IQGAP1: variants seen among roughly 807,000 people sequenced by gnomAD.
IQGAP1 encodes the protein IQ motif containing GTPase activating protein 1, also known as ras GTPase-activating-like protein IQGAP1.
Under a neutral mutation model 215.6 loss-of-function variants are expected in IQGAP1, and 66 were observed. The ratio of observed to expected loss-of-function variants is 0.31; its 90% CI spans 0.25 to 0.38. IQGAP1 has a LOEUF of 0.38. IQGAP1 is among the 10% of genes least tolerant of loss of function. The pLI is 1.00. For synonymous variants in IQGAP1, 772 were observed against 728.7 expected (o/e 1.06, Z -0.96); for missense variants, 1,712 against 1,997.1 (o/e 0.86, Z 2.72).
At chr15:90,486,443 T>G (rs567061964) in intron 31 of IQGAP1, 6 of 230,358 alleles carry the variant, frequency 2.6e-5, no homozygotes, top group East Asian at 1.1e-4. Flanking sequence ...GAAAGAATTT[T>G]TTTGTTTGTT....
In IQGAP1 at chr15:90,473,848, G is replaced by A. The variant is rs181846801; in HGVS notation, c.2434-48G>A. ...TCCATGAGGGGCACAGGTATAACAC[G>A]TGTTGAGATGAAGGACTCTTCTAAT... On this transcript the variant is annotated intron_variant, in intron 20 of 37. Coordinates refer to ENST00000268182, the MANE Select transcript of IQGAP1 (RefSeq NM_003870.4). 6,598 of 1,609,800 alleles carry A rather than the reference G, an allele frequency of 4.1e-3. 16 individuals are homozygous for A. Among genetic ancestry groups the A allele is most frequent in the Non-Finnish European group, 4.9e-3 (5,741 of 1,176,548 alleles).
intron 24 of IQGAP1, 75 bp downstream of exon 24, chr15:90,476,893 C>G (rs1023710487): frequency 6.6e-7 from 1 of 1,504,710 alleles, no homozygotes; most frequent in East Asian, 2.3e-5. Flanking sequence ...TACCATCGAT[C>G]TCTCTGGAAG....
chr15:90,466,384 T>G lies in IQGAP1; in HGVS notation c.1983T>G (p.Gly661=). The change falls in exon 17 of 38, where the codon GGT becomes GGG. Residue 661 remains glycine, a synonymous_variant. Transcript: ENST00000268182. ...TGTATGGAGTCATCCCTGAGTGTGG[T>G]GAAACTTACCACAGTGATCTTGCTG... ...VGLYGVIPEC[G]ETYHSDLAEA... The G allele has an allele frequency of 6.2e-7, 1 of 1,614,162 alleles. No homozygotes were observed. The highest frequency in any genetic ancestry group is 8.5e-7 in the Non-Finnish European group (1 of 1,180,028).
At chr15:90,459,392 A>G (rs529208560) in intron 15 of IQGAP1, among the ~76,000 whole-genome samples, 1 of 152,250 alleles carries the variant, frequency 6.6e-6, no homozygotes, top group Non-Finnish European at 1.5e-5. Context: ...CTTTATCTTC[A>G]TAGTAGCATT....
At chr15:90,443,714 T>G (rs1965484824) in intron 9 of IQGAP1, among the ~76,000 whole-genome samples, 1 of 152,206 alleles carries the variant, frequency 6.6e-6, no homozygotes, top group African/African-American at 2.4e-5. Flanking sequence ...TCTGTTTGGC[T>G]ACAGTTTCAC....
intron 5 of IQGAP1, 110 bp from the exon 6 acceptor site, chr15:90,439,222 C>A: frequency 1.5e-6 from 1 of 647,900 alleles, no homozygotes; most frequent in Non-Finnish European, 2.7e-6. Context: ...TACTGGGAGT[C>A]TCAGTGTTCA....
rs753776144 is a variant in IQGAP1 at position 90,452,810 on chromosome 15, C to G, written c.1198C>G (p.Gln400Glu). The part of the protein sequence containing the change: ...AAVALINAAI[Q>E]KGVAEKTVLE... ...AGTAGCACTGATTAATGCTGCAATCCAGAAGGGTGTTGCTGAGAAGACTGT... is the reference window on the plus strand; with the variant it reads ...AGTAGCACTGATTAATGCTGCAATCGAGAAGGGTGTTGCTGAGAAGACTGT... The change falls in exon 12 of 38, where the codon CAG becomes GAG. Residue 400 changes from glutamine to glutamate, a missense_variant. Gln to Glu is a conservative substitution (Grantham distance 29). Transcript: ENST00000268182. 31 of 1,614,010 alleles carry G rather than the reference C, an allele frequency of 1.9e-5. No individual in the cohort carries two copies. Among genetic ancestry groups the G allele is most frequent in the Non-Finnish European group, 2.5e-5 (29 of 1,180,018 alleles).
chr15:90,498,668 G>C (rs1024443150), intron 37 of IQGAP1, among the ~76,000 whole-genome samples: 3 of 151,934 alleles, frequency 2.0e-5, no homozygotes, highest in South Asian at 2.1e-4. Context: ...TGGAGGGGGG[G>C]GCAGAGTCTC....
At chr15:90,449,786 G>C (rs887606773) in intron 11 of IQGAP1, 143 bp downstream of exon 11, 2 of 584,496 alleles carry the variant, frequency 3.4e-6, no homozygotes, top group East Asian at 6.2e-5. Context: ...TGGCAGGAGG[G>C]TTCCTCCAGT....
intron 13 of IQGAP1, 140 bp from the exon 14 acceptor site, chr15:90,454,288 A>C (rs1274555676): frequency 2.6e-5 from 21 of 794,940 alleles, no homozygotes; most frequent in Non-Finnish European, 3.8e-5. Context: ...GCATTTTTGC[A>C]CTTTGTTTAA....
At chr15:90,452,041 G>C (rs1965611005) in intron 11 of IQGAP1, among the ~76,000 whole-genome samples, 1 of 152,154 alleles carries the variant, frequency 6.6e-6, no homozygotes, top group Non-Finnish European at 1.5e-5. Context: ...TGTTGACCAG[G>C]ATGGTCTCGA....
chr15:90,425,571 A>G (rs1965210244), intron 2 of IQGAP1, among the ~76,000 whole-genome samples: 1 of 152,124 alleles, frequency 6.6e-6, no homozygotes, highest in Non-Finnish European at 1.5e-5. Flanking sequence ...CTGAGAATTC[A>G]TTATTTACTG....
At chr15:90,418,811 CTGT>C (rs905797689) in intron 2 of IQGAP1, among the ~76,000 whole-genome samples, 2 of 152,068 alleles carry the variant, frequency 1.3e-5, no homozygotes, top group Non-Finnish European at 1.5e-5. Context: ...TAGGTCGTAA[CTGT>C]TGTTATTGTT....
At chr15:90,402,373 A>G (rs535141258) in intron 2 of IQGAP1, among the ~76,000 whole-genome samples, 1 of 152,284 alleles carries the variant, frequency 6.6e-6, no homozygotes, top group Admixed American at 6.5e-5. Flanking sequence ...CAAGAACTGT[A>G]TTTTTGGGGT....
At chr15:90,394,423 T>C (rs917765924) in intron 2 of IQGAP1, among the ~76,000 whole-genome samples, 1 of 152,180 alleles carries the variant, frequency 6.6e-6, no homozygotes, top group African/African-American at 2.4e-5. Context: ...GGGAATGTTA[T>C]GGTGAGAAAA....
intron 5 of IQGAP1, among the ~76,000 whole-genome samples, chr15:90,436,230 G>A (rs957018337): frequency 1.3e-5 from 2 of 152,064 alleles, no homozygotes; most frequent in African/African-American, 4.8e-5. Flanking sequence ...AAGCTCATTT[G>A]TCTCCTTAGT....
rs775992471 is a variant in IQGAP1, at chr15:90,491,428, C to T, written c.4344C>T (p.Ser1448=). The change falls in exon 34 of 38, where the codon AGC becomes AGT. Residue 1448 remains serine, a synonymous_variant. Coordinates refer to ENST00000268182, the MANE Select transcript of IQGAP1 (RefSeq NM_003870.4). ...AGTCAAAATCTGTAAAGGAAGACAG[C>T]AACCTCACTCTTCAAGAGAAGAAAG... is the stretch of plus-strand genomic sequence containing the variant. ...MKKSKSVKED[S]NLTLQEKKEK... is the part of the protein sequence containing the mutation. 2.5e-6 allele frequency: 4 copies of T among 1,613,922 alleles called. No individual in the cohort carries two copies. The highest frequency in any genetic ancestry group is 3.4e-6 in the Non-Finnish European group (4 of 1,179,932).
chr15:90,462,800 C>T (rs972427364), intron 15 of IQGAP1, among the ~76,000 whole-genome samples: 1 of 152,146 alleles, frequency 6.6e-6, no homozygotes, highest in African/African-American at 2.4e-5. Flanking sequence ...CTCTTTACCT[C>T]TTCTGAAATG....
At chr15:90,478,096 A>G (rs892855565) in intron 26 of IQGAP1, among the ~76,000 whole-genome samples, 1 of 152,006 alleles carries the variant, frequency 6.6e-6, no homozygotes, top group Non-Finnish European at 1.5e-5. Context: ...GGTCTAAGCA[A>G]TTCTCATGCC....
Sources: gnomAD v4.1 joint callset for allele counts (sites outside exome capture counted in the v4.1 genomes callset) on GRCh38, gnomAD v4.1.1 for gene constraint, MANE v1.5 for transcripts, NCBI Gene and HGNC (gene_info 2026-07-23, HGNC 2026-07-21) for gene names.